NAPB: variants seen among roughly 807,000 people sequenced by gnomAD.
NAPB encodes the protein beta-soluble NSF attachment protein.
A neutral mutation model predicts 44.7 loss-of-function variants in NAPB; 26 were observed. The observed-to-expected ratio is 0.58, with a 90% CI of 0.43 to 0.81. The LOEUF is 0.81. Ranked by LOEUF, NAPB falls within the 30% of genes least tolerant of loss-of-function variation. The pLI is 0.00. For synonymous variants in NAPB, 120 were observed against 116.8 expected (o/e 1.03, Z -0.18); for missense variants, 315 against 356.4 (o/e 0.88, Z 0.94).
chr20:23,388,769 A>G (rs180670777), intron 7 of NAPB, among the ~76,000 whole-genome samples: 15 of 152,290 alleles, frequency 9.8e-5, no homozygotes, highest in Admixed American at 8.5e-4. Flanking sequence ...AAAATGGATA[A>G]AAGACCTAAA....
Position 23,402,955 on chromosome 20 carries a change from C to A in NAPB, c.178+38G>T, listed in dbSNP as rs776677271. ...TTTCTCCCTTCAAAGTGATTTTAAACCATTTGCCTAAAAAGCAAACAAAAA... is the reference window on the plus strand; with the variant it reads ...TTTCTCCCTTCAAAGTGATTTTAAAACATTTGCCTAAAAAGCAAACAAAAA... On this transcript the variant is annotated intron_variant, in intron 2 of 10. Transcript: ENST00000377026. 1.6e-5 allele frequency: 24 copies of A among 1,506,006 alleles called. No individual in the cohort carries two copies. The Admixed American group carries it at 4.0e-4, about 25-fold the overall frequency. 93.3% of individuals were successfully genotyped at this position (1,506,006 alleles called of 1,614,324 possible).
chr20:23,414,912 A>G (rs904166240), intron 1 of NAPB, among the ~76,000 whole-genome samples: 1 of 152,188 alleles, frequency 6.6e-6, no homozygotes, highest in Non-Finnish European at 1.5e-5. Flanking sequence ...CTTTGACTCC[A>G]TAACTCACAA....
intron 5 of NAPB, 74 bp downstream of exon 5, chr20:23,394,848 A>G (rs2123189035): frequency 6.9e-7 from 1 of 1,441,386 alleles, no homozygotes; most frequent in Admixed American, 1.7e-5. Context: ...TCACTCTCAG[A>G]CTGAGGAGAG....
chr20:23,410,927 A>G (rs1348278263), intron 1 of NAPB, among the ~76,000 whole-genome samples: 1 of 152,182 alleles, frequency 6.6e-6, no homozygotes, highest in East Asian at 1.9e-4. Context: ...TTCAAATTCT[A>G]GAAGGATAGA....
chr20:23,390,900 T>C (rs1983907658), intron 5 of NAPB, among the ~76,000 whole-genome samples: 1 of 152,094 alleles, frequency 6.6e-6, no homozygotes. Context: ...GGTGTTGCCG[T>C]CAATCTAAAA....
At chr20:23,387,957 A>G (rs568349649) in intron 7 of NAPB, among the ~76,000 whole-genome samples, 288 of 152,290 alleles carry the variant, frequency 1.9e-3, no homozygotes, top group South Asian at 3.3e-3. Context: ...GCCCTCCCCA[A>G]TGTGGGTGGG....
intron 1 of NAPB, among the ~76,000 whole-genome samples, chr20:23,408,347 G>T (rs960316354): frequency 6.6e-6 from 1 of 152,166 alleles, no homozygotes; most frequent in Non-Finnish European, 1.5e-5. Flanking sequence ...TAGCACACAG[G>T]CCACAATAAC....
At chr20:23,408,700 C>A (rs1985432988) in intron 1 of NAPB, among the ~76,000 whole-genome samples, 1 of 152,178 alleles carries the variant, frequency 6.6e-6, no homozygotes, top group African/African-American at 2.4e-5. Flanking sequence ...GTAGAGATTT[C>A]TTCCGTGGAG....
chr20:23,384,863 C>T (rs1002250127), intron 7 of NAPB, among the ~76,000 whole-genome samples: 17 of 152,042 alleles, frequency 1.1e-4, no homozygotes, highest in African/African-American at 3.6e-4. Context: ...ATCATGCCTG[C>T]AATCCCAGCA....
At chr20:23,392,771 C>A (rs1406994658) in intron 5 of NAPB, among the ~76,000 whole-genome samples, 1 of 151,922 alleles carries the variant, frequency 6.6e-6, no homozygotes, top group Non-Finnish European at 1.5e-5. Context: ...GATCCTCCTG[C>A]CTTGGCCTCC....
chr20:23,403,195 C>A, intron 1 of NAPB, 123 bp from the exon 2 acceptor site: 1 of 719,444 alleles, frequency 1.4e-6, no homozygotes. Flanking sequence ...GAATCTTAAC[C>A]TCTATTTAAA....
At chr20:23,396,995 C>G (rs1278456028) in intron 3 of NAPB, 77 bp downstream of exon 3, 2 of 1,455,744 alleles carry the variant, frequency 1.4e-6, no homozygotes, top group East Asian at 4.9e-5. Context: ...CACACCAACA[C>G]TGACCTTAAC....
chr20:23,419,909 C>T (rs878934003), intron 1 of NAPB, among the ~76,000 whole-genome samples: 1 of 152,026 alleles, frequency 6.6e-6, no homozygotes, highest in Admixed American at 6.5e-5. Context: ...GTATCAATAG[C>T]GGTAAAGTAT....
intron 7 of NAPB, among the ~76,000 whole-genome samples, chr20:23,386,723 A>G (rs563148900): frequency 1.3e-5 from 2 of 152,322 alleles, no homozygotes; most frequent in East Asian, 1.9e-4. Context: ...TGCTGTTTAC[A>G]TAACTCCACT....
chr20:23,376,232 T>C lies in NAPB; in HGVS notation c.*1144A>G, dbSNP rs941520212. On this transcript the variant is annotated 3_prime_UTR_variant, in exon 11 of 11. Transcript: ENST00000377026. Reference sequence around the variant, plus strand: ...CAGCATATAAATTAATAGGATCAAGTTCATGAATCAAGATAGCATACATAT... The same window carrying C: ...CAGCATATAAATTAATAGGATCAAGCTCATGAATCAAGATAGCATACATAT... 2 of 152,164 alleles carry C rather than the reference T, an allele frequency of 1.3e-5. No homozygotes were observed. The highest frequency in any genetic ancestry group is 4.8e-5 in the African/African-American group (2 of 41,424). The allele number at this position is 152,164 out of a possible 1,614,324, so 9.4% of individuals were successfully genotyped here. A position where few individuals can be genotyped will look rare whatever the true frequency, so the allele number is the denominator to read the frequency against.
At chr20:23,405,288 AGAAAGAAAGAGAGAGAGACAG>A (rs1487875185) in intron 1 of NAPB, among the ~76,000 whole-genome samples, 3 of 75,076 alleles carry the variant, frequency 4.0e-5, no homozygotes, top group African/African-American at 1.3e-4. Context: ...CAAGAAGAAA[AGAAAGAAAGAGAGAGAGACAG>A]AGAAAGAGAG....
chr20:23,418,976 G>A (rs889603953), intron 1 of NAPB, among the ~76,000 whole-genome samples: 3 of 152,116 alleles, frequency 2.0e-5, no homozygotes, highest in East Asian at 1.9e-4. Context: ...TGCAGTCTAC[G>A]GCTCTGAAAT....
At chr20:23,407,259 A>T (rs970462514) in intron 1 of NAPB, among the ~76,000 whole-genome samples, 1 of 152,232 alleles carries the variant, frequency 6.6e-6, no homozygotes, top group African/African-American at 2.4e-5. Context: ...GTGAAAGTTA[A>T]TTTTTTGTAA....
rs1984256639 is a variant in NAPB at position 23,395,121 on chromosome 20, A to G, written c.342+18T>C. Reference sequence around the variant, plus strand: ...CAAGACTCCACCCCACAGCCACTCAAGCAATGCAATGTCTTACCATGTCTG... The same window carrying G: ...CAAGACTCCACCCCACAGCCACTCAGGCAATGCAATGTCTTACCATGTCTG... On this transcript the variant is annotated intron_variant, in intron 4 of 10. Coordinates refer to ENST00000377026, the MANE Select transcript of NAPB (RefSeq NM_022080.3). 6.2e-7 allele frequency: 1 copy of G among 1,614,174 alleles called. No homozygotes were observed. The highest frequency in any genetic ancestry group is 8.5e-7 in the Non-Finnish European group (1 of 1,179,996).
Sources: gnomAD v4.1 joint callset for allele counts (sites outside exome capture counted in the v4.1 genomes callset) on GRCh38, gnomAD v4.1.1 for gene constraint, MANE v1.5 for transcripts, NCBI Gene and HGNC (gene_info 2026-07-23, HGNC 2026-07-21) for gene names.